ZNF385D: variants seen among roughly 807,000 people sequenced by gnomAD.
ZNF385D encodes the protein zinc finger protein 659.
In ZNF385D, 15 loss-of-function variants were observed where a neutral mutation model predicts 35.8. The observed-to-expected ratio is 0.42, with a 90% CI of 0.28 to 0.64. The LOEUF is 0.64. Among genes scored for constraint, ZNF385D ranks in the 30% least tolerant of loss-of-function variants. ZNF385D has a pLI of 0.23. For synonymous variants in ZNF385D, 212 were observed against 186.8 expected (o/e 1.13, Z -1.10); for missense variants, 474 against 494.6 (o/e 0.96, Z 0.39).
intron 3 of ZNF385D, among the ~76,000 whole-genome samples, chr3:21,965,093 A>G (rs1702839402): frequency 6.6e-6 from 1 of 152,156 alleles, no homozygotes; most frequent in Non-Finnish European, 1.5e-5. Context: ...AATTTTAGAG[A>G]CTGAACACAG....
At chr3:22,154,425 C>T (rs1212539667) in intron 3 of ZNF385D, among the ~76,000 whole-genome samples, 1 of 152,156 alleles carries the variant, frequency 6.6e-6, no homozygotes, top group African/African-American at 2.4e-5. Flanking sequence ...AACTCAGCTA[C>T]AGAGGGCTTC....
At chr3:21,822,341 G>T (rs1345912992) in intron 3 of ZNF385D, among the ~76,000 whole-genome samples, 1 of 152,064 alleles carries the variant, frequency 6.6e-6, no homozygotes, top group African/African-American at 2.4e-5. Flanking sequence ...CAAAGTGCTG[G>T]GAGTACAGGT....
At chr3:22,166,097 T>A (rs1706303338) in intron 3 of ZNF385D, among the ~76,000 whole-genome samples, 1 of 152,260 alleles carries the variant, frequency 6.6e-6, no homozygotes, top group South Asian at 2.1e-4. Flanking sequence ...ATGTCCACCA[T>A]CCTCTGAAGT....
intron 2 of ZNF385D, among the ~76,000 whole-genome samples, chr3:21,618,010 A>G (rs988791795): frequency 6.6e-6 from 1 of 152,110 alleles, no homozygotes; most frequent in Non-Finnish European, 1.5e-5. Context: ...TCCTGGTACA[A>G]TTATTTCTTT....
chr3:21,977,961 T>A (rs1703740212), intron 3 of ZNF385D, among the ~76,000 whole-genome samples: 1 of 152,206 alleles, frequency 6.6e-6, no homozygotes, highest in South Asian at 2.1e-4. Context: ...CCTCTGCTTT[T>A]TGTTCAGCAG....
At chr3:21,899,884 G>T (rs1699313960) in intron 3 of ZNF385D, among the ~76,000 whole-genome samples, 1 of 152,088 alleles carries the variant, frequency 6.6e-6, no homozygotes, top group South Asian at 2.1e-4. Context: ...TTAAGATATA[G>T]TAAAAATGGA....
intron 1 of ZNF385D, among the ~76,000 whole-genome samples, chr3:21,670,843 C>T (rs2066555483): frequency 6.6e-6 from 1 of 151,696 alleles, no homozygotes; most frequent in Admixed American, 6.6e-5. Flanking sequence ...GCCCTTTCAA[C>T]CAAACAACTG....
At position 21,412,553 on chromosome 3, in the gene ZNF385D, C is replaced by T. The variant is rs1047632103; in HGVS notation, c.*8661G>A. The T allele has an allele frequency of 6.6e-5, 10 of 151,884 alleles. No homozygotes were observed. Among genetic ancestry groups the T allele is most frequent in the East Asian group, 1.9e-4 (1 of 5,180 alleles). The allele number at this position is 151,884 out of a possible 1,614,324, so 9.4% of individuals were successfully genotyped here. A position where few individuals can be genotyped will look rare whatever the true frequency, so the allele number is the denominator to read the frequency against. On this transcript the variant is annotated 3_prime_UTR_variant, in exon 8 of 8. Transcript: ENST00000281523. ...AACCATTTTGATTCCACAAACCAAG[C>T]GAAGAATAAGGACATGAACAGACCA...
intron 2 of ZNF385D, among the ~76,000 whole-genome samples, chr3:22,252,954 CT>C (rs776819901): frequency 1.5e-4 from 23 of 152,148 alleles, no homozygotes; most frequent in South Asian, 6.2e-4. Context: ...ACAAAGCATT[CT>C]TTTAAAACCC....
chr3:21,576,451 T>TA (rs1440034587), intron 2 of ZNF385D, among the ~76,000 whole-genome samples: 4 of 152,228 alleles, frequency 2.6e-5, no homozygotes, highest in Non-Finnish European at 5.9e-5. Flanking sequence ...TTATTTTTCT[T>TA]AGAATCATTT....
At chr3:21,737,010 G>A (rs764272510) in intron 1 of ZNF385D, among the ~76,000 whole-genome samples, 2 of 152,132 alleles carry the variant, frequency 1.3e-5, no homozygotes, top group Non-Finnish European at 2.9e-5. Flanking sequence ...CACAATCTCG[G>A]CTCACTGCAA....
chr3:21,970,607 TAGAGAG>T (rs373534656), intron 3 of ZNF385D, among the ~76,000 whole-genome samples: 1 of 148,104 alleles, frequency 6.8e-6, no homozygotes. Context: ...CCTTAAAGAG[TAGAGAG>T]AGAGAGAGAG....
intron 3 of ZNF385D, among the ~76,000 whole-genome samples, chr3:21,761,237 G>A (rs2070594140): frequency 1.3e-5 from 2 of 152,192 alleles, no homozygotes; most frequent in African/African-American, 4.8e-5. Context: ...GCAAATTCAT[G>A]AGAGACTCCT....
At chr3:21,997,865 G>A (rs952352010) in intron 3 of ZNF385D, among the ~76,000 whole-genome samples, 29 of 92,848 alleles carry the variant, frequency 3.1e-4, no homozygotes, top group African/African-American at 9.7e-4. Flanking sequence ...TGGCGCGCGC[G>A]CGCGCGCGTG....
At chr3:22,360,995 A>G (rs1430690132) in intron 2 of ZNF385D, among the ~76,000 whole-genome samples, 1 of 152,064 alleles carries the variant, frequency 6.6e-6, no homozygotes, top group Non-Finnish European at 1.5e-5. Flanking sequence ...TCTGATACAC[A>G]AGGTCGATTA....
At chr3:22,106,632 G>C (rs148588037) in intron 3 of ZNF385D, among the ~76,000 whole-genome samples, 58 of 152,214 alleles carry the variant, frequency 3.8e-4, no homozygotes, top group African/African-American at 1.2e-3. Flanking sequence ...GCTCCAGAAA[G>C]CCAAGCCGTC....
At chr3:22,222,516 G>A (rs79556342) in intron 2 of ZNF385D, among the ~76,000 whole-genome samples, 1 of 152,102 alleles carries the variant, frequency 6.6e-6, no homozygotes, top group Non-Finnish European at 1.5e-5. Flanking sequence ...AATAAGAAAT[G>A]CAGCAATCAA....
intron 2 of ZNF385D, among the ~76,000 whole-genome samples, chr3:21,599,326 T>C (rs958613755): frequency 3.3e-5 from 5 of 152,228 alleles, no homozygotes; most frequent in Non-Finnish European, 5.9e-5. Context: ...ACTGAACACA[T>C]ACTACTGCAT....
At chr3:22,364,944 GT>G (rs1217144724) in intron 2 of ZNF385D, among the ~76,000 whole-genome samples, 1 of 151,972 alleles carries the variant, frequency 6.6e-6, no homozygotes, top group African/African-American at 2.4e-5. Context: ...TCTGACACAT[GT>G]TACAACATGG....
Sources: gnomAD v4.1 joint callset for allele counts (sites outside exome capture counted in the v4.1 genomes callset) on GRCh38, gnomAD v4.1.1 for gene constraint, MANE v1.5 for transcripts, NCBI Gene and HGNC (gene_info 2026-07-23, HGNC 2026-07-21) for gene names.